The following SUGCT variants were observed in gnomAD, a reference collection of about 807,000 sequenced individuals.
SUGCT encodes the protein succinyl-CoA:glutarate-CoA transferase.
In SUGCT, 41 loss-of-function variants were observed where a neutral mutation model predicts 55.0. The observed-to-expected ratio is 0.74, with a 90% CI of 0.58 to 0.97. The LOEUF is 0.97. Ranked by LOEUF, SUGCT falls within the 50% of genes least tolerant of loss-of-function variation. The pLI is 0.00. For missense variants in SUGCT, 568 were observed against 547.8 expected, an observed-to-expected ratio of 1.04 and a Z score of -0.37; for synonymous variants, 187 against 200.4, an observed-to-expected ratio of 0.93 and a Z score of 0.56.
At position 40,254,941 on chromosome 7, in the gene SUGCT, G is replaced by A. The variant is rs560721392; in HGVS notation, c.576+17215G>A. Among the ~76,000 whole-genome samples the A allele has an allele frequency of 4.0e-5, 6 of 151,822 alleles. No homozygotes were observed. In the East Asian group the frequency reaches 1.2e-3, roughly 29 times the overall value. ...ATAGTAATGAAAGGATATGTTGGCT[G>A]GGCGCGGTGGCTCACACCTGTAATC... On this transcript the variant is annotated intron_variant, in intron 7 of 13. Transcript: ENST00000335693.
chr7:40,643,819 C>A (rs1319741083), intron 12 of SUGCT, among the ~76,000 whole-genome samples: 1 of 152,210 alleles, frequency 6.6e-6, no homozygotes, highest in Non-Finnish European at 1.5e-5. Context: ...CTGCCAGCCC[C>A]CTCCCAAAGG....
intron 9 of SUGCT, among the ~76,000 whole-genome samples, chr7:40,371,025 C>T (rs1405392166): frequency 1.3e-5 from 2 of 152,006 alleles, no homozygotes; most frequent in African/African-American, 4.8e-5. Flanking sequence ...TAACTAATGG[C>T]CCAGAGCTAG....
chr7:40,185,630 C>A (rs1294168072), intron 3 of SUGCT, among the ~76,000 whole-genome samples: 1 of 152,176 alleles, frequency 6.6e-6, no homozygotes, highest in African/African-American at 2.4e-5. Flanking sequence ...TCAAATGATT[C>A]TCCTGCCTCA....
At chr7:40,257,253 A>G (rs1370212519) in intron 7 of SUGCT, among the ~76,000 whole-genome samples, 1 of 151,950 alleles carries the variant, frequency 6.6e-6, no homozygotes, top group Non-Finnish European at 1.5e-5. Context: ...AGAATACATT[A>G]TTTTCATTGA....
Position 40,412,407 on chromosome 7 carries a change from T to C in SUGCT, c.817-36880T>C, listed in dbSNP as rs138335509. On this transcript the variant is annotated intron_variant, in intron 9 of 13. Transcript: ENST00000335693. Reference sequence around the variant, plus strand: ...ATGTGCTGTCCAATACAAATTCCTGTTATTGCTAGGAGGAATTATGGTTTG... The same window carrying C: ...ATGTGCTGTCCAATACAAATTCCTGCTATTGCTAGGAGGAATTATGGTTTG... 3.1e-4 allele frequency among the ~76,000 whole-genome samples: 47 copies of C among 152,352 alleles called. No individual in the cohort carries two copies. In the East Asian group the frequency reaches 7.3e-3, roughly 24 times the overall value.
the SUGCT span, among the ~76,000 whole-genome samples, chr7:40,896,464 G>T: frequency 6.6e-6 from 1 of 152,106 alleles, no homozygotes; most frequent in Non-Finnish European, 1.5e-5. Flanking sequence ...CAATCCCCAC[G>T]TGTTGTGGGA....
At chr7:40,367,288 A>G (rs1409793329) in intron 9 of SUGCT, among the ~76,000 whole-genome samples, 39 of 150,458 alleles carry the variant, frequency 2.6e-4, no homozygotes, top group East Asian at 7.9e-4. Flanking sequence ...GGGGGGGAGG[A>G]ATAGCATTAG....
At chr7:40,737,336 A>G (rs1160804859) in intron 12 of SUGCT, among the ~76,000 whole-genome samples, 1 of 152,234 alleles carries the variant, frequency 6.6e-6, no homozygotes, top group African/African-American at 2.4e-5. Context: ...ATCTGATTCA[A>G]TTCCAAGATT....
chr7:40,389,711 C>T (rs77359560), intron 9 of SUGCT, among the ~76,000 whole-genome samples: 1,686 of 152,072 alleles, frequency 0.011, 64 homozygotes, highest in East Asian at 0.11. Flanking sequence ...TTAAGAGAGT[C>T]GATATAAATA....
At chr7:40,224,404 G>A (rs993754628) in intron 6 of SUGCT, among the ~76,000 whole-genome samples, 2 of 53,128 alleles carry the variant, frequency 3.8e-5, no homozygotes, top group Non-Finnish European at 9.9e-5. Flanking sequence ...CTGTGCGTGT[G>A]TGTGTGTGTG....
chr7:40,266,293 G>A (rs1420548450), intron 7 of SUGCT, among the ~76,000 whole-genome samples: 1 of 147,778 alleles, frequency 6.8e-6, no homozygotes, highest in African/African-American at 2.5e-5. Flanking sequence ...GGGATTACAG[G>A]TGCTTGCCAC....
chr7:40,326,558 G>A (rs946655185), intron 9 of SUGCT, among the ~76,000 whole-genome samples: 9 of 152,052 alleles, frequency 5.9e-5, no homozygotes, highest in Non-Finnish European at 1.2e-4. Context: ...AGGGCAACAC[G>A]CTGTGGTAAT....
chr7:40,648,125 C>T (rs1173832647), intron 12 of SUGCT, among the ~76,000 whole-genome samples: 2 of 152,068 alleles, frequency 1.3e-5, no homozygotes, highest in Non-Finnish European at 2.9e-5. Flanking sequence ...AAGTATAGAA[C>T]ATTATGAAGA....
intron 3 of SUGCT, among the ~76,000 whole-genome samples, chr7:40,186,658 G>A (rs1293294262): frequency 6.6e-6 from 1 of 152,198 alleles, no homozygotes; most frequent in Non-Finnish European, 1.5e-5. Flanking sequence ...TGTAGAGTTA[G>A]CCAGTCAGTG....
intron 7 of SUGCT, among the ~76,000 whole-genome samples, chr7:40,267,981 C>T (rs1201568172): frequency 6.6e-6 from 1 of 152,050 alleles, no homozygotes; most frequent in African/African-American, 2.4e-5. Flanking sequence ...TGAAAGAAAA[C>T]TTCTAGAATT....
intron 9 of SUGCT, among the ~76,000 whole-genome samples, chr7:40,343,021 A>G (rs959293213): frequency 6.6e-6 from 1 of 152,194 alleles, no homozygotes; most frequent in Non-Finnish European, 1.5e-5. Flanking sequence ...TTTTAGACAC[A>G]TGGCATATAA....
At chr7:40,336,505 AT>A (rs1363294061) in intron 9 of SUGCT, among the ~76,000 whole-genome samples, 3 of 152,004 alleles carry the variant, frequency 2.0e-5, no homozygotes, top group Non-Finnish European at 2.9e-5. Flanking sequence ...GAATTTATCC[AT>A]TTCTTCTAGA....
At chr7:40,256,974 C>T (rs1411669838) in intron 7 of SUGCT, among the ~76,000 whole-genome samples, 3 of 152,128 alleles carry the variant, frequency 2.0e-5, no homozygotes, top group Non-Finnish European at 2.9e-5. Context: ...AAACTCCTGA[C>T]CTCCAGTGAT....
intron 12 of SUGCT, among the ~76,000 whole-genome samples, chr7:40,628,526 G>A (rs139154648): frequency 6.6e-6 from 1 of 152,326 alleles, no homozygotes; most frequent in Non-Finnish European, 1.5e-5. Flanking sequence ...GCACACTCAG[G>A]AACGCCTGCC....
Sources: gnomAD v4.1 joint callset for allele counts (sites outside exome capture counted in the v4.1 genomes callset) on GRCh38, gnomAD v4.1.1 for gene constraint, MANE v1.5 for transcripts, NCBI Gene and HGNC (gene_info 2026-07-23, HGNC 2026-07-21) for gene names.